The following ADAMTSL1 variants were observed in gnomAD, a reference collection of about 807,000 sequenced individuals.
The protein encoded by ADAMTSL1 is ADAMTS-like protein 1.
A neutral mutation model predicts 201.8 loss-of-function variants in ADAMTSL1; 126 were observed. The observed-to-expected ratio is 0.62, with a 90% confidence interval of 0.54 to 0.72. The LOEUF (loss-of-function observed/expected upper bound fraction) is 0.72. ADAMTSL1 is among the 30% of genes least tolerant of loss of function. ADAMTSL1 has a pLI of 0.00. For synonymous variants in ADAMTSL1, 1,121 were observed against 903.4 expected, an observed-to-expected ratio of 1.24 and a Z score of -4.32; for missense variants, 2,679 against 2,277.8, an observed-to-expected ratio of 1.18 and a Z score of -3.59.
intron 2 of ADAMTSL1, among the ~76,000 whole-genome samples, chr9:18,462,891 G>A (rs1221508705): frequency 6.6e-6 from 1 of 151,450 alleles, no homozygotes; most frequent in Non-Finnish European, 1.5e-5. Flanking sequence ...GTGAGCCGAG[G>A]GAGCACCACT....
At chr9:18,876,427 C>T (rs1828162609) in intron 23 of ADAMTSL1, among the ~76,000 whole-genome samples, 1 of 151,934 alleles carries the variant, frequency 6.6e-6, no homozygotes, top group African/African-American at 2.4e-5. Flanking sequence ...CCCCTTTTAG[C>T]AGTTCTTGCA....
intron 1 of ADAMTSL1, among the ~76,000 whole-genome samples, chr9:18,101,572 T>C (rs1824525106): frequency 6.6e-6 from 1 of 152,066 alleles, no homozygotes; most frequent in African/African-American, 2.4e-5. Flanking sequence ...TTTTTTCCCC[T>C]GGTAGCACAT....
chr9:18,353,515 A>G (rs1211323226), intron 2 of ADAMTSL1, among the ~76,000 whole-genome samples: 2 of 152,194 alleles, frequency 1.3e-5, no homozygotes, highest in Admixed American at 6.5e-5. Flanking sequence ...TAGGGTGAAC[A>G]TGGACATGCT....
chr9:18,650,296 C>T (rs948390522), intron 7 of ADAMTSL1, among the ~76,000 whole-genome samples: 1 of 152,206 alleles, frequency 6.6e-6, no homozygotes, highest in Non-Finnish European at 1.5e-5. Context: ...CCGTCTGTCA[C>T]CCCTTTCCTT....
At chr9:18,763,736 G>T (rs924661285) in intron 16 of ADAMTSL1, among the ~76,000 whole-genome samples, 3 of 152,116 alleles carry the variant, frequency 2.0e-5, no homozygotes, top group Non-Finnish European at 4.4e-5. Context: ...ATTCATTGAA[G>T]AAACTGTCTT....
intron 1 of ADAMTSL1, among the ~76,000 whole-genome samples, chr9:18,485,355 C>T (rs550899077): frequency 6.6e-6 from 1 of 152,334 alleles, no homozygotes; most frequent in South Asian, 2.1e-4. Flanking sequence ...TGTCCTTATT[C>T]TCTTTATTCT....
At chr9:18,605,587 T>G (rs1824957790) in intron 4 of ADAMTSL1, among the ~76,000 whole-genome samples, 1 of 152,194 alleles carries the variant, frequency 6.6e-6, no homozygotes, top group African/African-American at 2.4e-5. Context: ...GCTTTTGGTG[T>G]AGGCCCAGAG....
At chr9:18,742,005 C>A (rs1362505031) in intron 15 of ADAMTSL1, among the ~76,000 whole-genome samples, 1 of 152,162 alleles carries the variant, frequency 6.6e-6, no homozygotes, top group Non-Finnish European at 1.5e-5. Flanking sequence ...TGTGGCTGTT[C>A]TAAGTAGAGT....
intron 23 of ADAMTSL1, among the ~76,000 whole-genome samples, chr9:18,846,166 C>A (rs1038725698): frequency 2.0e-5 from 3 of 152,226 alleles, no homozygotes; most frequent in African/African-American, 7.2e-5. Flanking sequence ...GTTCTAGGTA[C>A]TGAGGACACA....
At chr9:18,339,868 C>G (rs1261250886) in intron 2 of ADAMTSL1, among the ~76,000 whole-genome samples, 1 of 152,122 alleles carries the variant, frequency 6.6e-6, no homozygotes, top group Non-Finnish European at 1.5e-5. Flanking sequence ...ACCTCTCATT[C>G]TCATTTTCTG....
chr9:18,769,391 C>T (rs761174485), intron 16 of ADAMTSL1, among the ~76,000 whole-genome samples: 4 of 152,160 alleles, frequency 2.6e-5, no homozygotes, highest in Admixed American at 2.6e-4. Flanking sequence ...AGCAGGCTCC[C>T]TAAAATTTTA....
chr9:18,078,813 C>T (rs1263093626), intron 1 of ADAMTSL1, among the ~76,000 whole-genome samples: 1 of 152,160 alleles, frequency 6.6e-6, no homozygotes, highest in Non-Finnish European at 1.5e-5. Context: ...TGTACAACTA[C>T]AAGCCCCTGG....
At chr9:18,164,940 T>C (rs1013927207) in intron 2 of ADAMTSL1, among the ~76,000 whole-genome samples, 1 of 151,892 alleles carries the variant, frequency 6.6e-6, no homozygotes, top group African/African-American at 2.4e-5. Flanking sequence ...TTTTTCATGG[T>C]GAGCATTCAC....
rs368242213 is a variant in ADAMTSL1, at chr9:18,531,270, T to C, written c.192-1977T>C. Among the ~76,000 whole-genome samples, 12 of 152,324 alleles carry C rather than the reference T, an allele frequency of 7.9e-5. No individual in the cohort carries two copies. The South Asian group carries it at 1.7e-3, about 21-fold the overall frequency. ...GAAAATCCAGATCACTCTTGGCAAG[T>C]AGCTTGATCAACCTGACACCGTAAT... On this transcript the variant is annotated intron_variant, in intron 2 of 28. Transcript: ENST00000380548.
chr9:18,101,217 G>T (rs1167168972), intron 1 of ADAMTSL1, among the ~76,000 whole-genome samples: 3 of 152,116 alleles, frequency 2.0e-5, no homozygotes, highest in Non-Finnish European at 4.4e-5. Context: ...GATTATGTAG[G>T]CTGGACACGG....
chr9:18,174,351 T>C (rs1411795), intron 2 of ADAMTSL1, among the ~76,000 whole-genome samples: 116,509 of 152,006 alleles, frequency 0.77, 45,026 homozygotes, highest in Non-Finnish European at 0.83. Flanking sequence ...TTGAAGGCAG[T>C]TGAAAAGGAG....
intron 3 of ADAMTSL1, among the ~76,000 whole-genome samples, chr9:18,553,508 T>G (rs1378913004): frequency 6.6e-6 from 1 of 151,844 alleles, no homozygotes; most frequent in Non-Finnish European, 1.5e-5. Flanking sequence ...AACATTCCAC[T>G]TTATTTGATC....
intron 2 of ADAMTSL1, among the ~76,000 whole-genome samples, chr9:18,254,283 G>GTTTTC (rs530102543): frequency 7.3e-6 from 1 of 137,004 alleles, no homozygotes; most frequent in Admixed American, 7.6e-5. Flanking sequence ...GGGTGGCCAC[G>GTTTTC]TTTTCTTTTC....
chr9:18,561,763 T>C (rs192692920), intron 3 of ADAMTSL1, among the ~76,000 whole-genome samples: 31 of 152,340 alleles, frequency 2.0e-4, no homozygotes, highest in African/African-American at 6.5e-4. Flanking sequence ...CATTGATCCC[T>C]TTACCATTAT....
Sources: gnomAD v4.1 joint callset for allele counts (sites outside exome capture counted in the v4.1 genomes callset) on GRCh38, gnomAD v4.1.1 for gene constraint, MANE v1.5 for transcripts, NCBI Gene and HGNC (gene_info 2026-07-23, HGNC 2026-07-21) for gene names.